Variants in MMUT observed in about 807,000 individuals in gnomAD.
MMUT encodes the protein methylmalonyl-CoA mutase, mitochondrial.
Under a neutral mutation model 79.9 loss-of-function variants are expected in MMUT, and 79 were observed. That is an observed-to-expected ratio of 0.99 (90% CI 0.82 to 1.19). MMUT has a LOEUF of 1.19. Among genes scored for constraint, MMUT ranks in the 50% most tolerant of loss-of-function variants. The pLI, the probability that MMUT is intolerant of heterozygous loss-of-function variation, is 0.00. For missense variants in MMUT, 860 were observed against 917.2 expected (o/e 0.94, Z 0.81); for synonymous variants, 273 against 295.7 (o/e 0.92, Z 0.79).
intron 1 of MMUT, among the ~76,000 whole-genome samples, chr6:49,460,073 A>T (rs147581918): frequency 1.7e-3 from 265 of 152,250 alleles, no homozygotes; most frequent in African/African-American, 5.6e-3. Flanking sequence ...TGGATTACCT[A>T]CAGTTGGCTG....
chr6:49,457,780 G>A lies in MMUT; in HGVS notation c.664C>T (p.Leu222=). 1.2e-6 allele frequency: 2 copies of A among 1,612,794 alleles called. No individual in the cohort carries two copies. Among genetic ancestry groups the A allele is most frequent in the Non-Finnish European group, 1.7e-6 (2 of 1,179,048 alleles). ...GTATTTCGAACCATAAATTCCTTTA[G>A]TATATCATTTTGGATGGTACCAGTA... ...KLTGTIQNDI[L]KEFMVRNTYI... Residue 222 remains leucine, a synonymous_variant, in exon 3 of 13, where the codon CTA becomes TTA. Coordinates refer to ENST00000274813, the MANE Select transcript of MMUT (RefSeq NM_000255.4).
At chr6:49,440,057 G>A (rs1455088513) in intron 11 of MMUT, 149 bp downstream of exon 11, 3 of 1,054,400 alleles carry the variant, frequency 2.8e-6, no homozygotes, top group Non-Finnish European at 4.3e-6. Context: ...GGCAGGAATG[G>A]AGAGAAAGGC....
intron 9 of MMUT, chr6:49,443,898 G>C: frequency 2.7e-6 from 1 of 374,094 alleles, no homozygotes; most frequent in South Asian, 2.0e-5. Context: ...AGACAAAGGA[G>C]CATGTTAAGG....
intron 4 of MMUT, among the ~76,000 whole-genome samples, chr6:49,454,765 G>A (rs899927441): frequency 1.3e-5 from 2 of 152,062 alleles, no homozygotes; most frequent in African/African-American, 4.8e-5. Context: ...TAACAATAAG[G>A]AAGGGCACAG....
Position 49,440,324 on chromosome 6 carries a change from C to A in MMUT, c.1838G>T (p.Arg613Leu), listed in dbSNP as rs368690932. The change falls in exon 11 of 13, where the codon CGC becomes CTC. Residue 613 changes from arginine (R) to leucine (L), a missense_variant. Transcript: ENST00000274813. ...RVHKFMEREG[R>L]RPRLLVAKMG... ...TTTTGCTACAAGAAGACGAGGTCTGCGACCTTCACGTTCCATGAATTTATG... is the reference window on the plus strand; with the variant it reads ...TTTTGCTACAAGAAGACGAGGTCTGAGACCTTCACGTTCCATGAATTTATG... 1.2e-6 allele frequency: 2 copies of A among 1,613,920 alleles called. No individual in the cohort carries two copies. The highest frequency in any genetic ancestry group is 1.7e-4 in the Middle Eastern group (1 of 6,060).
Position 49,444,701 on chromosome 6 carries a change from G to T in MMUT, c.1614C>A (p.Thr538=). Residue 538 remains threonine, a synonymous_variant, in exon 9 of 13, where the codon ACC becomes ACA. Transcript: ENST00000274813. ...ALAERCLAAL[T]ECAASGDGNI... Reference sequence around the variant, plus strand: ...TTCCATCTCCGCTAGCAGCACATTCGGTTAGTGCAGCAAGACAACGTTCAG... The same window carrying T: ...TTCCATCTCCGCTAGCAGCACATTCTGTTAGTGCAGCAAGACAACGTTCAG... 6.2e-7 allele frequency: 1 copy of T among 1,613,382 alleles called. No homozygotes were observed. The highest frequency in any genetic ancestry group is 8.5e-7 in the Non-Finnish European group (1 of 1,179,538).
At position 49,457,725 on chromosome 6, in the gene MMUT, T is replaced by A; in HGVS notation, c.719A>T (p.Lys240Ile). 3 of 1,612,236 alleles carry A rather than the reference T, an allele frequency of 1.9e-6. 1 individual carries two copies. Among genetic ancestry groups the A allele is most frequent in the Middle Eastern group, 1.7e-4 (1 of 5,914 alleles). ...TYIFPPEPSMKIIADIFEYTA... is the reference protein window; with the variant it reads ...TYIFPPEPSMIIIADIFEYTA... ...ATATTCAAATATGTCAGCAATAATT[T>A]TCATGGATGGTTCTGGAGGAAAAAT... The change falls in exon 3 of 13, where the codon AAA (lysine) becomes ATA (isoleucine). Residue 240 changes from lysine to isoleucine, a missense_variant. Physicochemically the swap from Lys to Ile is moderately radical, Grantham distance 102. Transcript: ENST00000274813.
intron 5 of MMUT, among the ~76,000 whole-genome samples, chr6:49,452,412 A>T (rs1360771912): frequency 6.6e-6 from 1 of 152,080 alleles, no homozygotes; most frequent in East Asian, 1.9e-4. Context: ...GGCTCACTGT[A>T]AGCTCTGCCT....
chr6:49,459,527 A>G, intron 1 of MMUT, 22 bp from the exon 2 acceptor site: 6 of 1,569,814 alleles, frequency 3.8e-6, no homozygotes, highest in Non-Finnish European at 5.2e-6. Flanking sequence ...AACATAGAGT[A>G]AAAACATTTA....
At chr6:49,437,121 G>A (rs1767152001) in intron 11 of MMUT, among the ~76,000 whole-genome samples, 2 of 152,080 alleles carry the variant, frequency 1.3e-5, no homozygotes, top group Non-Finnish European at 2.9e-5. Context: ...TTCCTCAAAT[G>A]TTGGGGGGTC....
Position 49,457,916 on chromosome 6 carries a change from T to C in MMUT, c.528A>G (p.Gly176=). 6.2e-7 allele frequency: 1 copy of C among 1,613,762 alleles called. No individual in the cohort carries two copies. The highest frequency in any genetic ancestry group is 1.3e-5 in the African/African-American group (1 of 75,002). Residue 176 remains glycine (G), a synonymous_variant, in exon 3 of 13, where the codon GGA becomes GGG. Transcript: ENST00000274813. The part of the protein sequence containing the change: ...TVEDTKILFD[G]IPLEKMSVSM... ...AAACTGACATTTTTTCTAAAGGAAT[T>C]CCATCAAAAAGAATTTTGGTATCTT...
In MMUT at chr6:49,453,847, A is replaced by C. The variant is rs927951729; in HGVS notation, c.912-91T>G. 49 of 1,107,724 alleles carry C rather than the reference A, an allele frequency of 4.4e-5. No individual in the cohort carries two copies. The South Asian group carries it at 6.0e-4, about 13-fold the overall frequency. 68.6% of individuals were successfully genotyped at this position (1,107,724 alleles called of 1,614,324 possible). ...AATTGTATCACACACTAGAAAATCA[A>C]GGTCTATATTTTAATTTCGAAGAAC... On this transcript the variant is annotated intron_variant, in intron 4 of 12. Coordinates refer to ENST00000274813, the MANE Select transcript of MMUT (RefSeq NM_000255.4).
chr6:49,438,048 T>G (rs1767178349), intron 11 of MMUT, among the ~76,000 whole-genome samples: 1 of 152,142 alleles, frequency 6.6e-6, no homozygotes, highest in Non-Finnish European at 1.5e-5. Context: ...ATTTACATAG[T>G]AAATTTCATA....
At chr6:49,432,480 C>G (rs568207118) in intron 12 of MMUT, among the ~76,000 whole-genome samples, 8 of 152,006 alleles carry the variant, frequency 5.3e-5, no homozygotes, top group Admixed American at 3.3e-4. Context: ...CTCCGCCTCC[C>G]GGGTTCACGC....
At chr6:49,443,701 A>G (rs115392171) in intron 9 of MMUT, 3,983 of 343,962 alleles carry the variant, frequency 0.012, 39 homozygotes, top group Non-Finnish European at 0.017. Flanking sequence ...ATTAAGTGCC[A>G]TATTCTGTTC....
chr6:49,445,388 G>A (rs1392474475), intron 8 of MMUT, among the ~76,000 whole-genome samples: 2 of 151,976 alleles, frequency 1.3e-5, no homozygotes, highest in African/African-American at 2.4e-5. Context: ...TGTACCACCT[G>A]TAAAAGAGTC....
rs570909412 is a variant in MMUT, at chr6:49,439,316, T to C, written c.1956+890A>G. ...CAAGAGCTGTCTCTCAAAAGGAGAG[T>C]AGTTATCTGCAGAAGATGGCAGGCC... On this transcript the variant is annotated intron_variant, in intron 11 of 12. Transcript: ENST00000274813. Among the ~76,000 whole-genome samples, 3 of 151,834 alleles carry C rather than the reference T, an allele frequency of 2.0e-5. No individual in the cohort carries two copies. The East Asian group carries it at 5.9e-4, about 30-fold the overall frequency.
rs772522418 is a variant in MMUT at position 49,459,203 on chromosome 6, C to T, written c.264G>A (p.Val88=). The part of the protein sequence containing the change: ...TMDLPEELPG[V]KPFTRGPYPT... ...GATATGGTCCACGTGTGAATGGCTTCACTCCTGGAAGTTCTTCAGGTAAGT... is the reference window on the plus strand; with the variant it reads ...GATATGGTCCACGTGTGAATGGCTTTACTCCTGGAAGTTCTTCAGGTAAGT... The change falls in exon 2 of 13, where the codon GTG becomes GTA. Residue 88 remains valine, a synonymous_variant. Transcript: ENST00000274813. 4 of 1,614,190 alleles carry T rather than the reference C, an allele frequency of 2.5e-6. No homozygotes were observed. The highest frequency in any genetic ancestry group is 1.6e-4 in the Middle Eastern group (1 of 6,062).
At chr6:49,451,044 G>A (rs1486108934) in intron 6 of MMUT, among the ~76,000 whole-genome samples, 1 of 152,076 alleles carries the variant, frequency 6.6e-6, no homozygotes, top group Non-Finnish European at 1.5e-5. Context: ...AGTGTCTAAG[G>A]TCTCATGTGT....
Sources: allele counts gnomAD v4.1 joint callset (sites outside exome capture counted in the v4.1 genomes callset), GRCh38; gene constraint gnomAD v4.1.1; transcripts MANE v1.5; gene names NCBI Gene and HGNC (gene_info 2026-07-23, HGNC 2026-07-21).